FAM200B: variants seen among roughly 807,000 people sequenced by gnomAD.
FAM200B encodes protein FAM200B.
FAM200B carries 32 observed loss-of-function variants against 33.1 expected under a neutral mutation model. The observed-to-expected ratio is 0.97, with a 90% confidence interval of 0.73 to 1.30. The LOEUF is 1.30. FAM200B is among the 50% of genes most tolerant of loss of function. The pLI is 0.00. For missense variants in FAM200B, 741 were observed against 754.0 expected, an observed-to-expected ratio of 0.98 and a Z score of 0.20; for synonymous variants, 240 against 264.8, an observed-to-expected ratio of 0.91 and a Z score of 0.91.
chr4:15,655,134 C>T, the FAM200B span: 4 of 1,234,616 alleles, frequency 3.2e-6, no homozygotes, highest in South Asian at 1.9e-5. Flanking sequence ...GGCCAGGCCG[C>T]CCCAAGAACC....
chr4:15,681,168 A>C (rs899669513), upstream of FAM200B: 2 of 152,180 alleles, frequency 1.3e-5, no homozygotes, highest in African/African-American at 4.8e-5. Flanking sequence ...AAAGAGTCGC[A>C]CAGGAATACT....
the FAM200B span, among the ~76,000 whole-genome samples, chr4:15,656,069 G>A: frequency 6.6e-6 from 1 of 152,258 alleles, no homozygotes; most frequent in African/African-American, 2.4e-5. Context: ...ATCCAGGTGC[G>A]GAAATGCACC....
the FAM200B span, among the ~76,000 whole-genome samples, chr4:15,673,449 T>A: frequency 6.6e-6 from 1 of 151,668 alleles, no homozygotes; most frequent in Admixed American, 6.6e-5. Context: ...TCAAAAAAAA[T>A]AAAGATAAAA....
chr4:15,684,914 G>T (rs1718684397), intron 1 of FAM200B: 2 of 152,122 alleles, frequency 1.3e-5, no homozygotes, highest in Non-Finnish European at 2.9e-5. Flanking sequence ...TAAGTCAAAG[G>T]CATCTACCAG....
upstream of FAM200B, among the ~76,000 whole-genome samples, chr4:15,679,132 G>A (rs368427982): frequency 5.1e-4 from 75 of 148,074 alleles, no homozygotes; most frequent in African/African-American, 1.8e-3. Flanking sequence ...GCGTGATCTC[G>A]GCTCACTGCA....
the FAM200B span, among the ~76,000 whole-genome samples, chr4:15,665,626 C>G: frequency 6.6e-6 from 1 of 152,150 alleles, no homozygotes; most frequent in East Asian, 1.9e-4. Context: ...TAGCCTAGAG[C>G]ATTGTGCATA....
chr4:15,653,103 T>A, the FAM200B span, among the ~76,000 whole-genome samples: 1 of 151,492 alleles, frequency 6.6e-6, no homozygotes. Flanking sequence ...AAAATTCCTA[T>A]GCATTTTTTT....
At chr4:15,644,089 C>A in the FAM200B span, among the ~76,000 whole-genome samples, 6 of 152,304 alleles carry the variant, frequency 3.9e-5, no homozygotes, top group Admixed American at 3.3e-4. Flanking sequence ...AATCTCTCAG[C>A]CTTAGTATCT....
At chr4:15,654,302 T>C in the FAM200B span, among the ~76,000 whole-genome samples, 3 of 152,360 alleles carry the variant, frequency 2.0e-5, no homozygotes, top group Middle Eastern at 6.8e-3. Context: ...TTTGCAGATA[T>C]CCATGACTTT....
the FAM200B span, among the ~76,000 whole-genome samples, chr4:15,660,078 T>C: frequency 4.0e-3 from 609 of 151,718 alleles, 3 homozygotes; most frequent in Middle Eastern, 0.01. Flanking sequence ...TCCCTACCCC[T>C]GACATTTTTT....
In FAM200B at chr4:15,688,208, G is replaced by T. The variant is rs766975698; in HGVS notation, c.1231G>T (p.Glu411Ter). The T allele has an allele frequency of 5.2e-6, 8 of 1,549,328 alleles. No homozygotes were observed. The South Asian group carries it at 7.2e-5, about 14-fold the overall frequency. Residue 411 changes from glutamate (E) to a stop codon, truncating the protein, a stop_gained, in exon 2 of 2, where the codon GAA becomes TAA. Transcript: ENST00000422728. LOFTEE classifies it high-confidence loss of function. Reference sequence around the variant, plus strand: ...GAATGAGATTCACTTTTTTCTCATTGAAAAAAAATCTCATTTGGCAAGTAT... The same window carrying T: ...GAATGAGATTCACTTTTTTCTCATTTAAAAAAAATCTCATTTGGCAAGTAT... ...LRNEIHFFLIEKKSHLASIFE... is the reference protein window; with the variant it reads ...LRNEIHFFLI
rs1194727098 is a variant in FAM200B at position 15,687,187 on chromosome 4, T to C, written c.210T>C (p.Tyr70=). ...ARRYNEDYLK[Y]GFIKCEKPFE... ...GTTATAATGAAGATTACTTAAAATATGGCTTTATCAAATGTGAAAAACCCT... is the reference window on the plus strand; with the variant it reads ...GTTATAATGAAGATTACTTAAAATACGGCTTTATCAAATGTGAAAAACCCT... The change falls in exon 2 of 2, where the codon TAT becomes TAC. Residue 70 remains tyrosine, a synonymous_variant. Coordinates refer to ENST00000422728, the MANE Select transcript of FAM200B (RefSeq NM_001145191.2). The C allele has an allele frequency of 3.9e-6, 6 of 1,539,190 alleles. No homozygotes were observed. In the East Asian group the frequency reaches 1.2e-4, roughly 31 times the overall value.
intron 1 of FAM200B, among the ~76,000 whole-genome samples, chr4:15,684,135 C>T (rs1254544763): frequency 7.2e-5 from 11 of 152,152 alleles, no homozygotes; most frequent in Non-Finnish European, 1.6e-4. Flanking sequence ...AATTTCAGTG[C>T]ACACATCTTA....
chr4:15,664,138 G>A, the FAM200B span, among the ~76,000 whole-genome samples: 2 of 152,174 alleles, frequency 1.3e-5, no homozygotes, highest in South Asian at 2.1e-4. Context: ...ACTGCTTCTA[G>A]AGATTTTGGA....
upstream of FAM200B, among the ~76,000 whole-genome samples, chr4:15,680,787 T>A (rs1718214985): frequency 6.6e-6 from 1 of 152,024 alleles, no homozygotes; most frequent in Middle Eastern, 3.4e-3. Context: ...TAAAGTCGCA[T>A]TAAGTTTCAG....
the FAM200B span, among the ~76,000 whole-genome samples, chr4:15,676,368 G>GA: frequency 2.6e-5 from 4 of 151,996 alleles, no homozygotes; most frequent in African/African-American, 9.7e-5. Flanking sequence ...GTATGAGGAT[G>GA]GAAACAGCCA....
chr4:15,641,033 T>G, the FAM200B span: 7 of 481,760 alleles, frequency 1.5e-5, no homozygotes, highest in African/African-American at 1.4e-4. Context: ...ACATAAAAGA[T>G]ACCCATAAAA....
the FAM200B span, among the ~76,000 whole-genome samples, chr4:15,652,982 CCTTT>C: frequency 3.9e-5 from 6 of 152,100 alleles, no homozygotes; most frequent in African/African-American, 1.2e-4. Flanking sequence ...TCCTTTAATT[CCTTT>C]AAGATTACTG....
the FAM200B span, among the ~76,000 whole-genome samples, chr4:15,652,158 A>G: frequency 6.6e-6 from 1 of 152,210 alleles, no homozygotes; most frequent in East Asian, 1.9e-4. Flanking sequence ...AAGACTGAGA[A>G]ATTGAAGTAA....
Sources: allele counts gnomAD v4.1 joint callset (sites outside exome capture counted in the v4.1 genomes callset), GRCh38; gene constraint gnomAD v4.1.1; transcripts MANE v1.5; gene names NCBI Gene and HGNC (gene_info 2026-07-23, HGNC 2026-07-21).